Variants in FANCB observed in about 807,000 individuals in gnomAD.
The protein encoded by FANCB is Fanconi anemia group B protein.
FANCB carries 5 observed loss-of-function variants against 38.9 expected under a neutral mutation model. The ratio of observed to expected loss-of-function variants is 0.13; its 90% CI spans 0.07 to 0.27. The LOEUF is 0.27. Among genes scored for constraint, FANCB ranks in the 10% least tolerant of loss-of-function variants. The probability of loss-of-function intolerance (pLI) is 1.00; values close to 1 mark genes in which losing one functional copy is unlikely to be tolerated. For synonymous variants in FANCB, 236 were observed against 215.4 expected (o/e 1.10, Z -0.84); for missense variants, 573 against 602.7 (o/e 0.95, Z 0.52).
intron 10 of FANCB, chrX:14,836,318 A>G (rs764297678): frequency 1.8e-5 from 2 of 112,002 alleles, no homozygotes; most frequent in South Asian, 7.4e-4. Flanking sequence ...TTGCAAGATG[A>G]AAAAGTTCTA....
chrX:14,751,473 C>A, the FANCB span, among the ~76,000 whole-genome samples: 1 of 112,019 alleles, frequency 8.9e-6, no homozygotes, highest in Non-Finnish European at 1.9e-5. Flanking sequence ...GATCGTTACC[C>A]TTGGAGGGAG....
At chrX:14,820,588 A>G in the FANCB span, among the ~76,000 whole-genome samples, 66 of 112,161 alleles carry the variant, frequency 5.9e-4, no homozygotes, top group African/African-American at 2.1e-3. Flanking sequence ...AGAATGTAAT[A>G]CAATTTAATA....
At chrX:14,871,717 C>A (rs1051251713) in intron 1 of FANCB, among the ~76,000 whole-genome samples, 32 of 110,539 alleles carry the variant, frequency 2.9e-4, no homozygotes, top group African/African-American at 1.0e-3. Flanking sequence ...ATGTACACTG[C>A]AGCATATTAT....
intron 7 of FANCB, among the ~76,000 whole-genome samples, chrX:14,849,508 T>C (rs894662078): frequency 8.9e-6 from 1 of 112,258 alleles, no homozygotes; most frequent in African/African-American, 3.2e-5. Flanking sequence ...GTTACTGTAA[T>C]GCCTGTATTT....
intron 7 of FANCB, among the ~76,000 whole-genome samples, chrX:14,849,590 T>C (rs999109026): frequency 1.8e-5 from 2 of 112,330 alleles, no homozygotes; most frequent in Admixed American, 1.9e-4. Flanking sequence ...TCTCTATCCA[T>C]GATTTCAACA....
the FANCB span, among the ~76,000 whole-genome samples, chrX:14,772,134 TG>T: frequency 4.5e-5 from 5 of 111,160 alleles, no homozygotes; most frequent in Non-Finnish European, 7.6e-5. Context: ...TGTGCTGTGT[TG>T]GGGGCTGGAG....
At chrX:14,820,141 T>G in the FANCB span, among the ~76,000 whole-genome samples, 1 of 111,210 alleles carries the variant, frequency 9.0e-6, no homozygotes. Flanking sequence ...CCTATCCTCC[T>G]GATTGGTTCT....
the FANCB span, among the ~76,000 whole-genome samples, chrX:14,734,960 C>A: frequency 9.3e-6 from 1 of 107,430 alleles, no homozygotes; most frequent in Admixed American, 1.0e-4. Flanking sequence ...CTTTTTGACA[C>A]CCTTTATTTC....
At chrX:14,735,732 G>C in the FANCB span, among the ~76,000 whole-genome samples, 2 of 112,637 alleles carry the variant, frequency 1.8e-5, no homozygotes, top group African/African-American at 3.2e-5. Context: ...ACTTGAGGAG[G>C]CAGTCTGTCG....
chrX:14,834,280 G>A (rs1433570889), downstream of FANCB, among the ~76,000 whole-genome samples: 1 of 111,473 alleles, frequency 9.0e-6, no homozygotes, highest in Non-Finnish European at 1.9e-5. Flanking sequence ...ACAAGAAAGG[G>A]TGGAGTTCCA....
chrX:14,838,827 G>A (rs754767624), downstream of FANCB, among the ~76,000 whole-genome samples: 8 of 112,190 alleles, frequency 7.1e-5, no homozygotes, highest in African/African-American at 2.3e-4. Context: ...TAATAATAAC[G>A]TGCATCTCTT....
At chrX:14,709,187 T>C in the FANCB span, among the ~76,000 whole-genome samples, 2 of 110,946 alleles carry the variant, frequency 1.8e-5, no homozygotes, top group Non-Finnish European at 3.8e-5. Context: ...TGAGCTATGA[T>C]CACGGCACTG....
the FANCB span, among the ~76,000 whole-genome samples, chrX:14,775,164 T>G: frequency 1.4e-5 from 1 of 69,438 alleles, no homozygotes; most frequent in African/African-American, 1.1e-4. Context: ...TCTAATGTTT[T>G]TTTTTTTTTT....
At chrX:14,837,853 T>C (rs2147377524) in intron 10 of FANCB, among the ~76,000 whole-genome samples, 1 of 112,265 alleles carries the variant, frequency 8.9e-6, no homozygotes, top group Admixed American at 9.4e-5. Context: ...ACTTTGGATA[T>C]ATTATTTAAC....
the FANCB span, among the ~76,000 whole-genome samples, chrX:14,733,418 T>C: frequency 5.4e-5 from 6 of 112,086 alleles, no homozygotes; most frequent in African/African-American, 1.9e-4. Flanking sequence ...AAGTCATTGG[T>C]AGCTTGATGG....
the FANCB span, among the ~76,000 whole-genome samples, chrX:14,708,395 A>AG: frequency 2.7e-5 from 3 of 111,500 alleles, no homozygotes; most frequent in Admixed American, 2.9e-4. Flanking sequence ...ACACAGTAGG[A>AG]GGGGTCATTT....
At chrX:14,811,003 G>A in the FANCB span, among the ~76,000 whole-genome samples, 1 of 111,676 alleles carries the variant, frequency 9.0e-6, no homozygotes, top group Admixed American at 9.5e-5. Context: ...GAAAGTGGGG[G>A]CCAATATTCA....
the FANCB span, among the ~76,000 whole-genome samples, chrX:14,786,852 A>G: frequency 2.7e-5 from 3 of 111,682 alleles, no homozygotes; most frequent in African/African-American, 6.5e-5. Context: ...GGTTTATGAC[A>G]TAACACCAGA....
chrX:14,809,611 G>A, the FANCB span, among the ~76,000 whole-genome samples: 3 of 112,060 alleles, frequency 2.7e-5, no homozygotes, highest in Non-Finnish European at 3.8e-5. Flanking sequence ...ACTGCAAGGC[G>A]GCAGGCAGGC....
Sources: allele counts gnomAD v4.1 joint callset (sites outside exome capture counted in the v4.1 genomes callset), GRCh38; gene constraint gnomAD v4.1.1; transcripts MANE v1.5; gene names NCBI Gene and HGNC (gene_info 2026-07-23, HGNC 2026-07-21).